MAP2: variants seen among roughly 807,000 people sequenced by gnomAD.
MAP2 encodes the protein microtubule associated protein 2.
MAP2 carries 14 observed loss-of-function variants against 137.6 expected under a neutral mutation model. The observed-to-expected ratio is 0.10, with a 90% CI of 0.07 to 0.16. MAP2 has a LOEUF of 0.16. Among genes scored for constraint, MAP2 ranks in the 10% least tolerant of loss-of-function variants. MAP2 has a pLI of 1.00. For missense variants in MAP2, 2,088 were observed against 2,191.5 expected, an observed-to-expected ratio of 0.95 and a Z score of 0.94; for synonymous variants, 786 against 782.3, an observed-to-expected ratio of 1.00 and a Z score of -0.08.
At chr2:209,505,803 C>G (rs1032580885) in intron 1 of MAP2, among the ~76,000 whole-genome samples, 1 of 151,964 alleles carries the variant, frequency 6.6e-6, no homozygotes, top group Non-Finnish European at 1.5e-5. Context: ...GAAACTCCAT[C>G]TCTACAAAAA....
chr2:209,475,132 T>C (rs1416618435), intron 1 of MAP2, among the ~76,000 whole-genome samples: 1 of 152,104 alleles, frequency 6.6e-6, no homozygotes, highest in Non-Finnish European at 1.5e-5. Flanking sequence ...CACAATCTGT[T>C]ACAGTAAAGT....
rs557374435 is a variant in MAP2, at chr2:209,650,106, A to G, written c.-29-3036A>G. On this transcript the variant is annotated intron_variant, in intron 4 of 15. Transcript: ENST00000682079. ...TGAGAAATCTGTTCCAGAAAGCTCTATGGCAGGGGGATGAGAGAAGTCAAA... is the reference window on the plus strand; with the variant it reads ...TGAGAAATCTGTTCCAGAAAGCTCTGTGGCAGGGGGATGAGAGAAGTCAAA... 1.8e-4 allele frequency among the ~76,000 whole-genome samples: 28 copies of G among 152,324 alleles called. No individual in the cohort carries two copies. In the South Asian group the frequency reaches 5.8e-3, roughly 32 times the overall value.
chr2:209,637,692 A>G (rs955809838), intron 4 of MAP2, among the ~76,000 whole-genome samples: 4 of 152,116 alleles, frequency 2.6e-5, no homozygotes, highest in African/African-American at 9.7e-5. Context: ...ATTAAAATAT[A>G]AAATTGCTAT....
Position 209,730,434 on chromosome 2 carries a change from G to T in MAP2, c.*37G>T. The T allele has an allele frequency of 2.0e-6, 3 of 1,508,598 alleles. No individual in the cohort carries two copies. Among genetic ancestry groups the T allele is most frequent in the Non-Finnish European group, 2.7e-6 (3 of 1,091,388 alleles). 93.5% of individuals were successfully genotyped at this position (1,508,598 alleles called of 1,614,324 possible). A position where few individuals can be genotyped will look rare whatever the true frequency, so the allele number is the denominator to read the frequency against. On this transcript the variant is annotated 3_prime_UTR_variant, in exon 16 of 16. Coordinates refer to ENST00000682079, the MANE Select transcript of MAP2 (RefSeq NM_001375505.1). ...TTAGCATTGAAATAATAATATTTAG[G>T]CATGAGCTCTTGGCAGGAGTGGGCT...
At chr2:209,432,239 G>T (rs1347913979) in intron 1 of MAP2, among the ~76,000 whole-genome samples, 1 of 152,076 alleles carries the variant, frequency 6.6e-6, no homozygotes, top group Non-Finnish European at 1.5e-5. Context: ...AGCTAGAAAG[G>T]CTGTGGGCCT....
intron 1 of MAP2, among the ~76,000 whole-genome samples, chr2:209,486,461 A>T (rs1253979950): frequency 1.3e-5 from 2 of 152,054 alleles, no homozygotes; most frequent in Non-Finnish European, 2.9e-5. Flanking sequence ...TGACCTCATG[A>T]TCCACCCGCC....
At chr2:209,436,029 T>TACAGTATATATTATCTATA (rs1553537341) in intron 1 of MAP2, among the ~76,000 whole-genome samples, 1 of 142,074 alleles carries the variant, frequency 7.0e-6, no homozygotes, top group Non-Finnish European at 1.5e-5. Context: ...ATATAAAATA[T>TACAGTATATATTATCTATA]ATATATATGT....
chr2:209,439,637 C>G (rs188200427), intron 1 of MAP2, among the ~76,000 whole-genome samples: 1 of 151,462 alleles, frequency 6.6e-6, no homozygotes, highest in East Asian at 1.9e-4. Flanking sequence ...AAAATATATG[C>G]CACAATTGTA....
intron 10 of MAP2, among the ~76,000 whole-genome samples, chr2:209,699,344 C>T (rs7577387): frequency 0.091 from 13,486 of 148,406 alleles, 1,236 homozygotes; most frequent in African/African-American, 0.25. Context: ...TATAAGGATA[C>T]ATTTTTTTTC....
intron 1 of MAP2, among the ~76,000 whole-genome samples, chr2:209,497,748 A>G (rs1274257615): frequency 6.6e-6 from 1 of 152,074 alleles, no homozygotes; most frequent in Non-Finnish European, 1.5e-5. Context: ...GAGGCTCCAC[A>G]TTCTCTTAAA....
At chr2:209,677,620 G>A (rs991913634) in intron 5 of MAP2, among the ~76,000 whole-genome samples, 1 of 151,946 alleles carries the variant, frequency 6.6e-6, no homozygotes, top group African/African-American at 2.4e-5. Flanking sequence ...ATTCACTCAC[G>A]ACTGTTAGAA....
intron 3 of MAP2, among the ~76,000 whole-genome samples, chr2:209,612,869 G>A (rs1580585921): frequency 6.6e-6 from 1 of 152,052 alleles, no homozygotes; most frequent in East Asian, 1.9e-4. Context: ...GATAGTTAAG[G>A]ATCCTTATCT....
chr2:209,550,246 A>C (rs984346274), intron 2 of MAP2, among the ~76,000 whole-genome samples: 1 of 152,160 alleles, frequency 6.6e-6, no homozygotes, highest in Non-Finnish European at 1.5e-5. Flanking sequence ...ATCAAACCAC[A>C]CTCAAAACAT....
At chr2:209,526,316 TA>T (rs1490935097) in intron 2 of MAP2, among the ~76,000 whole-genome samples, 1 of 151,964 alleles carries the variant, frequency 6.6e-6, no homozygotes, top group East Asian at 1.9e-4. Context: ...ATAGTAATAA[TA>T]TACAAAAGCA....
At chr2:209,496,149 T>C (rs2059726058) in intron 1 of MAP2, among the ~76,000 whole-genome samples, 1 of 152,214 alleles carries the variant, frequency 6.6e-6, no homozygotes, top group Non-Finnish European at 1.5e-5. Context: ...GTTGGAGTGC[T>C]CATGACTCAG....
At chr2:209,460,896 G>A (rs1702627489) in intron 1 of MAP2, among the ~76,000 whole-genome samples, 2 of 151,566 alleles carry the variant, frequency 1.3e-5, no homozygotes, top group South Asian at 4.2e-4. Context: ...TTACAGGCAC[G>A]CACCACCACA....
rs1583743832 is a variant in MAP2, at chr2:209,696,296, A to C, written c.4126A>C (p.Thr1376Pro). 6.3e-7 allele frequency: 1 copy of C among 1,596,320 alleles called. No individual in the cohort carries two copies. Among genetic ancestry groups the C allele is most frequent in the Non-Finnish European group, 8.5e-7 (1 of 1,174,374 alleles). Residue 1376 changes from threonine to proline, a missense_variant, in exon 8 of 16, where the codon ACC becomes CCC. Physicochemically the swap from Thr to Pro is conservative, Grantham distance 38. Around this residue, in one of 6 missense-constraint regions of MAP2, gnomAD observed 591 missense variants for 642.6 expected, o/e 0.92. Transcript: ENST00000682079. ...AACCTATGACGATTACAAAGATGAG[A>C]CCACCATTGACGACTCCATCATGGA... ...TETYDDYKDE[T>P]TIDDSIMDAD...
At chr2:209,505,797 C>T (rs186380771) in intron 1 of MAP2, among the ~76,000 whole-genome samples, 2 of 152,024 alleles carry the variant, frequency 1.3e-5, no homozygotes, top group Non-Finnish European at 1.5e-5. Flanking sequence ...CATGGTGAAA[C>T]TCCATCTCTA....
intron 1 of MAP2, among the ~76,000 whole-genome samples, chr2:209,435,981 C>CT (rs1695964526): frequency 9.7e-6 from 1 of 103,234 alleles, no homozygotes; most frequent in African/African-American, 6.3e-5. Context: ...ATAATATATA[C>CT]AGTATATATT....
Sources: gnomAD v4.1 joint callset for allele counts (sites outside exome capture counted in the v4.1 genomes callset) on GRCh38, gnomAD v4.1.1 for gene constraint, gnomAD v4.1.1 regional missense constraint, MANE v1.5 for transcripts, NCBI Gene and HGNC (gene_info 2026-07-23, HGNC 2026-07-21) for gene names.